ARHGEF9: variants seen among roughly 807,000 people sequenced by gnomAD.
ARHGEF9 encodes the protein Cdc42 guanine nucleotide exchange factor 9.
ARHGEF9 carries 2 observed loss-of-function variants against 41.3 expected under a neutral mutation model. The observed-to-expected ratio is 0.05, with a 90% CI of 0.02 to 0.15. The LOEUF (loss-of-function observed/expected upper bound fraction) is 0.15. Ranked by LOEUF, ARHGEF9 falls within the 10% of genes least tolerant of loss-of-function variation. The probability of loss-of-function intolerance (pLI) is 1.00; values close to 1 mark genes in which losing one functional copy is unlikely to be tolerated. For synonymous variants in ARHGEF9, 160 were observed against 154.4 expected, an observed-to-expected ratio of 1.04 and a Z score of -0.27; for missense variants, 225 against 424.7, an observed-to-expected ratio of 0.53 and a Z score of 4.13.
intron 1 of ARHGEF9, among the ~76,000 whole-genome samples, chrX:63,780,989 T>C (rs2056371225): frequency 8.9e-6 from 1 of 111,795 alleles, no homozygotes; most frequent in Admixed American, 9.5e-5. Context: ...AAAAACAGAA[T>C]GTGGGTCACT....
chrX:63,743,974 G>GC (rs372144390), intron 1 of ARHGEF9, among the ~76,000 whole-genome samples: 291 of 112,001 alleles, frequency 2.6e-3, no homozygotes, highest in African/African-American at 8.5e-3. Context: ...CAAGACATGG[G>GC]CCGGGTCACA....
intron 6 of ARHGEF9, chrX:63,670,448 AG>A (rs1403731638): frequency 1.8e-5 from 2 of 110,227 alleles, no homozygotes; most frequent in African/African-American, 6.6e-5. Context: ...CTGGGAGGAG[AG>A]GGATCCCACA....
chrX:63,769,229 T>A (rs2056162614), intron 1 of ARHGEF9, among the ~76,000 whole-genome samples: 1 of 111,479 alleles, frequency 9.0e-6, no homozygotes, highest in African/African-American at 3.3e-5. Flanking sequence ...ACTCTTGTTA[T>A]GTTTTAGCAA....
At chrX:63,672,567 G>C (rs1336934864) in intron 6 of ARHGEF9, among the ~76,000 whole-genome samples, 2 of 110,855 alleles carry the variant, frequency 1.8e-5, no homozygotes, top group African/African-American at 6.6e-5. Flanking sequence ...AGCTCCCTGA[G>C]TAGGCCAGGT....
chrX:63,713,210 C>T (rs781969178), intron 2 of ARHGEF9: 9 of 111,167 alleles, frequency 8.1e-5, no homozygotes, highest in Non-Finnish European at 1.7e-4. Context: ...AGCAAGACAT[C>T]CTTTGAGAAG....
intron 4 of ARHGEF9, among the ~76,000 whole-genome samples, chrX:63,696,797 A>G (rs1319563893): frequency 1.8e-5 from 2 of 111,676 alleles, no homozygotes; most frequent in Non-Finnish European, 3.8e-5. Context: ...GGTTGCTTCT[A>G]ATGGTACTCC....
chrX:63,702,440 A>G (rs1434948377), intron 3 of ARHGEF9, among the ~76,000 whole-genome samples: 1 of 112,175 alleles, frequency 8.9e-6, no homozygotes, highest in Non-Finnish European at 1.9e-5. Flanking sequence ...ACTCATTTGA[A>G]AAGATTATGT....
In ARHGEF9 at chrX:63,655,752, A is replaced by G; in HGVS notation, c.1078-15T>C. On this transcript the variant is annotated splice_polypyrimidine_tract_variant and intron_variant, in intron 7 of 9. Coordinates refer to ENST00000671741, the MANE Select transcript of ARHGEF9 (RefSeq NM_001353921.2). ...CGGATTAGGTCCTAGATGGGAAGGA[A>G]GAGGTTTCTTGAAGGTATGTGCACG... 2 of 1,205,510 alleles carry G rather than the reference A, an allele frequency of 1.7e-6. No homozygotes were observed. The highest frequency in any genetic ancestry group is 2.2e-6 in the Non-Finnish European group (2 of 894,753).
At chrX:63,704,222 T>G (rs2052382082) in intron 3 of ARHGEF9, among the ~76,000 whole-genome samples, 1 of 112,485 alleles carries the variant, frequency 8.9e-6, no homozygotes, top group Admixed American at 9.4e-5. Context: ...AAAAACACTA[T>G]GACATTGTAA....
rs1384436568 is a variant in ARHGEF9, at chrX:63,724,938, A to T, written c.31-227T>A. On this transcript the variant is annotated intron_variant, in intron 1 of 9. Coordinates refer to ENST00000671741, the MANE Select transcript of ARHGEF9 (RefSeq NM_001353921.2). ...GGAATGACCCAGAATATGAATATGT[A>T]CTACATATGCCTCATGCTTTTTATC... 9.3e-6 allele frequency: 4 copies of T among 427,899 alleles called. No individual in the cohort carries two copies. The African/African-American group carries it at 9.9e-5, about 11-fold the overall frequency. 35.3% of individuals were successfully genotyped at this position (427,899 alleles called of 1,213,427 possible). A position where few individuals can be genotyped will look rare whatever the true frequency, so the allele number is the denominator to read the frequency against.
chrX:63,776,585 C>CT (rs782317260), intron 1 of ARHGEF9, among the ~76,000 whole-genome samples: 4 of 111,805 alleles, frequency 3.6e-5, no homozygotes, highest in Non-Finnish European at 7.5e-5. Context: ...TTGTTGACCC[C>CT]TGATCTAAGG....
At chrX:63,682,834 C>T in intron 4 of ARHGEF9, among the ~76,000 whole-genome samples, 1 of 111,534 alleles carries the variant, frequency 9.0e-6, no homozygotes, top group Non-Finnish European at 1.9e-5. Context: ...TAAAAATTTC[C>T]TCAGCATAAG....
Position 63,768,988 on chromosome X carries a change from T to TA in ARHGEF9, c.30+16127dup, listed in dbSNP as rs201506244. Among the ~76,000 whole-genome samples the TA allele has an allele frequency of 6.6e-4, 73 of 110,241 alleles. 1 individual carries two copies. Among genetic ancestry groups the TA allele is most frequent in the Middle Eastern group, 4.6e-3 (1 of 218 alleles). ...ATTGGTACCGGGAGTGGGGTGCTACTAAAAAAAAATCCCAAAAATGTGAAA... is the reference window on the plus strand; with the variant it reads ...ATTGGTACCGGGAGTGGGGTGCTACTAAAAAAAAAATCCCAAAAATGTGAAA... On this transcript the variant is annotated intron_variant, in intron 1 of 9. Coordinates refer to ENST00000671741, the MANE Select transcript of ARHGEF9 (RefSeq NM_001353921.2).
intron 7 of ARHGEF9, among the ~76,000 whole-genome samples, chrX:63,661,240 C>A (rs1237087446): frequency 2.7e-5 from 3 of 111,894 alleles, no homozygotes; most frequent in African/African-American, 9.8e-5. Context: ...AAGAAATTGT[C>A]CAAATGCAGA....
intron 6 of ARHGEF9, among the ~76,000 whole-genome samples, chrX:63,669,280 T>C (rs1195068109): frequency 9.0e-6 from 1 of 111,609 alleles, no homozygotes; most frequent in Admixed American, 9.5e-5. Flanking sequence ...TTTGGATCTG[T>C]TCACTCCCTC....
In ARHGEF9 at chrX:63,661,679, A is replaced by G. The variant is rs147220698; in HGVS notation, c.1077+4207T>C. 5.0e-3 allele frequency among the ~76,000 whole-genome samples: 558 copies of G among 111,384 alleles called. 1 individual carries two copies. Among genetic ancestry groups the G allele is most frequent in the Non-Finnish European group, 8.6e-3 (455 of 52,989 alleles). On this transcript the variant is annotated intron_variant, in intron 7 of 9. Transcript: ENST00000671741. Reference sequence around the variant, plus strand: ...AGAAGGGGTCACATAATTAGAAGCCACTGGTGACTTTCCCACACACTATAA... The same window carrying G: ...AGAAGGGGTCACATAATTAGAAGCCGCTGGTGACTTTCCCACACACTATAA...
chrX:63,674,274 T>C (rs1168800703), intron 5 of ARHGEF9, 107 bp from the exon 6 acceptor site: 6 of 909,013 alleles, frequency 6.6e-6, no homozygotes, highest in Non-Finnish European at 7.8e-6. Context: ...AGTAACAGAG[T>C]CCTGATTTTC....
intron 1 of ARHGEF9, among the ~76,000 whole-genome samples, chrX:63,752,855 C>G (rs1467703143): frequency 8.9e-6 from 1 of 111,953 alleles, no homozygotes; most frequent in Admixed American, 9.4e-5. Context: ...ATAATGCCAG[C>G]AGATTTGCAC....
At chrX:63,751,159 G>A (rs1345768760) in intron 1 of ARHGEF9, among the ~76,000 whole-genome samples, 1 of 111,433 alleles carries the variant, frequency 9.0e-6, no homozygotes, top group Non-Finnish European at 1.9e-5. Flanking sequence ...GGCCAGAGAG[G>A]AGGGAAGGGA....
Sources: gnomAD v4.1 joint callset for allele counts (sites outside exome capture counted in the v4.1 genomes callset) on GRCh38, gnomAD v4.1.1 for gene constraint, MANE v1.5 for transcripts, NCBI Gene and HGNC (gene_info 2026-07-23, HGNC 2026-07-21) for gene names.